Variants in ABCB9 observed in about 807,000 individuals in gnomAD.
ABCB9 encodes ABC-type oligopeptide transporter ABCB9.
A neutral mutation model predicts 62.0 loss-of-function variants in ABCB9; 36 were observed. The ratio of observed to expected loss-of-function variants is 0.58; its 90% CI spans 0.45 to 0.77. The LOEUF (loss-of-function observed/expected upper bound fraction) is 0.77, where lower values mean the gene tolerates loss of function less well. Ranked by LOEUF, ABCB9 falls within the 30% of genes least tolerant of loss-of-function variation. The pLI is 0.00. For missense variants in ABCB9, 943 were observed against 1,054.7 expected, an observed-to-expected ratio of 0.89 and a Z score of 1.47; for synonymous variants, 435 against 461.4, an observed-to-expected ratio of 0.94 and a Z score of 0.73.
At chr12:122,949,716 T>C (rs1296736868) in intron 4 of ABCB9, 72 bp downstream of exon 4, 1 of 1,585,316 alleles carries the variant, frequency 6.3e-7, no homozygotes, top group East Asian at 2.3e-5. Flanking sequence ...CCCATTTCAT[T>C]CCTCAGTGCC....
upstream of ABCB9, among the ~76,000 whole-genome samples, chr12:122,968,671 G>A (rs1361930052): frequency 1.8e-5 from 2 of 111,086 alleles, no homozygotes; most frequent in Non-Finnish European, 3.4e-5. Flanking sequence ...ATGGAGTCTT[G>A]CTCTGACACC....
intron 2 of ABCB9, among the ~76,000 whole-genome samples, chr12:122,958,581 G>A (rs1196187457): frequency 1.3e-5 from 2 of 152,190 alleles, no homozygotes; most frequent in Non-Finnish European, 2.9e-5. Context: ...GCTTGCGCCT[G>A]TAATCCCAGT....
chr12:122,968,760 A>G (rs1231416499), upstream of ABCB9, among the ~76,000 whole-genome samples: 1 of 150,458 alleles, frequency 6.6e-6, no homozygotes. Flanking sequence ...GATTGCAAGC[A>G]TGTACCAACA....
downstream of ABCB9, chr12:122,924,948 ACT>A (rs1490718638): frequency 1.1e-6 from 1 of 890,974 alleles, no homozygotes; most frequent in East Asian, 2.9e-5. Flanking sequence ...ACAGAGTCTC[ACT>A]CTGTCACCCA....
chr12:122,950,334 A>T, intron 3 of ABCB9, 117 bp downstream of exon 3: 1 of 996,596 alleles, frequency 1.0e-6, no homozygotes, highest in Non-Finnish European at 1.5e-6. Flanking sequence ...GGACAGGCCC[A>T]CCAGGGGCAT....
chr12:122,927,212 C>T (rs907140548), downstream of ABCB9, among the ~76,000 whole-genome samples: 2 of 151,912 alleles, frequency 1.3e-5, no homozygotes, highest in Non-Finnish European at 2.9e-5. Flanking sequence ...CGCTCTGTCA[C>T]CCAGGCTGGA....
At chr12:122,931,235 G>A (rs913579287) in intron 11 of ABCB9, 6 of 152,098 alleles carry the variant, frequency 3.9e-5, no homozygotes, top group African/African-American at 9.7e-5. Context: ...ATGTTGGCCC[G>A]GCTGGTCTTG....
chr12:122,948,917 A>C, intron 4 of ABCB9, 88 bp from the exon 5 acceptor site: 21 of 971,568 alleles, frequency 2.2e-5, no homozygotes, highest in East Asian at 4.4e-5. Context: ...TGAGACAGAC[A>C]CTGGGAAGCC....
chr12:122,939,996 T>C, intron 9 of ABCB9, 115 bp downstream of exon 9: 6 of 1,335,010 alleles, frequency 4.5e-6, no homozygotes, highest in Non-Finnish European at 6.1e-6. Flanking sequence ...TTGGTGATAA[T>C]TCTTTGAACT....
At chr12:122,918,991 A>G (rs1485079705), downstream of ABCB9, among the ~76,000 whole-genome samples, 2 of 152,084 alleles carry the variant, frequency 1.3e-5, no homozygotes, top group Non-Finnish European at 2.9e-5. Flanking sequence ...GAATCATACC[A>G]TAGGTGACCT....
intron 1 of ABCB9, among the ~76,000 whole-genome samples, chr12:122,971,743 C>T (rs895170397): frequency 2.0e-5 from 3 of 152,224 alleles, no homozygotes; most frequent in Admixed American, 6.5e-5. Context: ...TGAGCCACTG[C>T]GCCCAGCCAA....
rs757744429 is a variant in ABCB9, at chr12:122,959,753, G to A, written c.483C>T (p.Ser161=). ...ACGCCTGCTCGGGCGGTGGCCGGCC[G>A]CTCCCAGGGAAGCCCTCAGCCTCGG... ...AATEAEGFPG[S]GRPPPEQASG... The change falls in exon 2 of 12, where the codon AGC becomes AGT. Residue 161 remains serine, a synonymous_variant. Coordinates refer to ENST00000280560, the MANE Select transcript of ABCB9 (RefSeq NM_019625.4). This position sits in a 1 kb window ranked among gnomAD's most constrained non-coding sequence, Gnocchi z 5.4. 49 of 1,611,414 alleles carry A rather than the reference G, an allele frequency of 3.0e-5. No individual in the cohort carries two copies. Among genetic ancestry groups the A allele is most frequent in the South Asian group, 2.3e-4 (21 of 91,014 alleles).
chr12:122,944,315 G>GCCCCC lies in ABCB9; in HGVS notation c.1380+71_1380+75dup. 2.0e-5 allele frequency: 14 copies of GCCCCC among 715,926 alleles called. No individual in the cohort carries two copies. The highest frequency in any genetic ancestry group is 5.6e-5 in the Admixed American group (2 of 35,726). The allele number at this position is 715,926 out of a possible 1,614,324, so 44.3% of individuals were successfully genotyped here. On this transcript the variant is annotated intron_variant, in intron 7 of 11. Coordinates refer to ENST00000280560, the MANE Select transcript of ABCB9 (RefSeq NM_019625.4). This position sits in a 1 kb window ranked among gnomAD's most constrained non-coding sequence, Gnocchi z 4.9. ...ACATTGTCAGAGTCCCTGGAGCCCC[G>GCCCCC]CCCCCACCCTGTTAAGATCCCTCTT...
At position 122,940,242 on chromosome 12, in the gene ABCB9, C is replaced by CTG; in HGVS notation, c.1611_1612insCA (p.Val538GlnfsTer45). 3 of 1,609,950 alleles carry CTG rather than the reference C, an allele frequency of 1.9e-6. No individual in the cohort carries two copies. Among genetic ancestry groups the CTG allele is most frequent in the Non-Finnish European group, 2.5e-6 (3 of 1,177,520 alleles). ...CTCTTCCCACTGCCCGAGGGCCCCA[C>CTG]CAGGGCCGTCACCTTGCCGGGGGAC... On this transcript the variant is annotated frameshift_variant, in exon 9 of 12. Coordinates refer to ENST00000280560, the MANE Select transcript of ABCB9 (RefSeq NM_019625.4). LOFTEE classifies it high-confidence loss of function. The surrounding 1 kb of genome is among the most constrained non-coding windows in gnomAD (Gnocchi z 4.8).
downstream of ABCB9, chr12:122,924,523 C>T (rs988022615): frequency 1.8e-6 from 2 of 1,084,814 alleles, no homozygotes; most frequent in Non-Finnish European, 2.4e-6. Flanking sequence ...GGCCTCTATG[C>T]TCAGCTCAAA....
chr12:122,927,125 T>C (rs1168161418), downstream of ABCB9, among the ~76,000 whole-genome samples: 1 of 152,156 alleles, frequency 6.6e-6, no homozygotes, highest in Non-Finnish European at 1.5e-5. Flanking sequence ...TAAGGGAACT[T>C]TCTGTATTGT....
At chr12:122,971,564 C>T (rs866331320) in intron 1 of ABCB9, among the ~76,000 whole-genome samples, 4 of 151,946 alleles carry the variant, frequency 2.6e-5, no homozygotes, top group African/African-American at 9.7e-5. Flanking sequence ...AGTGATTCTC[C>T]CACCTCAGCC....
chr12:122,962,282 G>A (rs1007162308), intron 1 of ABCB9, among the ~76,000 whole-genome samples: 1 of 152,154 alleles, frequency 6.6e-6, no homozygotes, highest in Non-Finnish European at 1.5e-5. Flanking sequence ...TGTGTCCCTG[G>A]GTGCTACCTC....
chr12:122,940,746 G>C lies in ABCB9; in HGVS notation c.1569+61C>G, dbSNP rs2035711839. 6.7e-7 allele frequency: 1 copy of C among 1,485,514 alleles called. No individual in the cohort carries two copies. The highest frequency in any genetic ancestry group is 2.2e-5 in the Admixed American group (1 of 45,914). The allele number at this position is 1,485,514 out of a possible 1,614,324, so 92.0% of individuals were successfully genotyped here. ...CCTGCCACAGCCTGGTGTATAGGAG[G>C]TGCACCAGAAATGGGGTGACGGAAA... On this transcript the variant is annotated intron_variant, in intron 8 of 11. Transcript: ENST00000280560. This position sits in a 1 kb window ranked among gnomAD's most constrained non-coding sequence, Gnocchi z 4.8.
Sources: gnomAD v4.1 joint callset for allele counts (sites outside exome capture counted in the v4.1 genomes callset) on GRCh38, gnomAD v4.1.1 for gene constraint, Gnocchi (gnomAD v3.1) non-coding constraint, MANE v1.5 for transcripts, NCBI Gene and HGNC (gene_info 2026-07-23, HGNC 2026-07-21) for gene names.